The following GPHN variants were observed in gnomAD, a reference collection of about 807,000 sequenced individuals.
GPHN encodes the protein gephyrin.
Under a neutral mutation model 95.5 loss-of-function variants are expected in GPHN, and 17 were observed. That is an observed-to-expected ratio of 0.18 (90% CI 0.12 to 0.27). GPHN has a LOEUF of 0.27. GPHN is among the 10% of genes least tolerant of loss of function. GPHN has a pLI of 1.00. For synonymous variants in GPHN, 320 were observed against 322.5 expected (o/e 0.99, Z 0.08); for missense variants, 660 against 978.1 (o/e 0.67, Z 4.34).
At chr14:67,371,792 T>G in the GPHN span, among the ~76,000 whole-genome samples, 1 of 152,244 alleles carries the variant, frequency 6.6e-6, no homozygotes, top group East Asian at 1.9e-4. Context: ...GAGGCCATCA[T>G]AACCCTGATA....
chr14:67,045,408 G>GTGTCTCTCTCTCTTGTCTTTCTGTCTT (rs2074956324), intron 10 of GPHN, among the ~76,000 whole-genome samples: 2 of 149,910 alleles, frequency 1.3e-5, no homozygotes, highest in African/African-American at 4.9e-5. Context: ...CTCTCTCTCT[G>GTGTCTCTCTCTCTTGTCTTTCTGTCTT]TGTCTCTCTC....
At chr14:67,172,278 G>A (rs936184357) in intron 21 of GPHN, among the ~76,000 whole-genome samples, 1 of 152,078 alleles carries the variant, frequency 6.6e-6, no homozygotes, top group Non-Finnish European at 1.5e-5. Context: ...CTCAGCCAGA[G>A]CTAAAGCCAT....
At chr14:67,707,337 C>T in the GPHN span, among the ~76,000 whole-genome samples, 1 of 152,226 alleles carries the variant, frequency 6.6e-6, no homozygotes. Flanking sequence ...TCTTTTCTCT[C>T]TCCAGTTTCC....
intron 11 of GPHN, among the ~76,000 whole-genome samples, chr14:67,079,721 C>A (rs1297958768): frequency 6.6e-6 from 1 of 151,948 alleles, no homozygotes; most frequent in Non-Finnish European, 1.5e-5. Context: ...TGTTTCAATT[C>A]GCAAATTCAA....
the GPHN span, among the ~76,000 whole-genome samples, chr14:67,537,869 T>C: frequency 2.0e-5 from 3 of 152,256 alleles, no homozygotes; most frequent in East Asian, 5.8e-4. Flanking sequence ...CTGACTGCTG[T>C]GGCATTTCAG....
the GPHN span, chr14:67,690,499 A>G: frequency 8.7e-7 from 1 of 1,150,814 alleles, no homozygotes; most frequent in Non-Finnish European, 1.3e-6. Context: ...GGCCTCACCT[A>G]TGGGAGGCAG....
chr14:66,880,924 G>A (rs2063898612), intron 5 of GPHN, among the ~76,000 whole-genome samples: 1 of 151,880 alleles, frequency 6.6e-6, no homozygotes, highest in Non-Finnish European at 1.5e-5. Context: ...AGGATTTAAT[G>A]AACGTTAATT....
At chr14:67,579,953 G>A in the GPHN span, 1 of 1,369,480 alleles carries the variant, frequency 7.3e-7, no homozygotes, top group African/African-American at 1.4e-5. Flanking sequence ...CCCATCTGAT[G>A]GGTGTCTGAC....
the GPHN span, among the ~76,000 whole-genome samples, chr14:67,218,087 T>C: frequency 3.3e-4 from 51 of 152,314 alleles, no homozygotes; most frequent in African/African-American, 1.2e-3. Context: ...GTTTGTGGCA[T>C]CAGTGGTGCA....
At chr14:66,999,434 T>C (rs559587568) in intron 9 of GPHN, among the ~76,000 whole-genome samples, 2 of 152,082 alleles carry the variant, frequency 1.3e-5, no homozygotes, top group Non-Finnish European at 2.9e-5. Flanking sequence ...TTTATGGTTA[T>C]ATAATTTATT....
intron 18 of GPHN, among the ~76,000 whole-genome samples, chr14:67,147,522 T>TTGTTC (rs1160287399): frequency 6.6e-6 from 1 of 151,856 alleles, no homozygotes; most frequent in Non-Finnish European, 1.5e-5. Flanking sequence ...TTGTTTTGTT[T>TTGTTC]TGTTTTGAGG....
chr14:66,793,676 GAA>G (rs2060055043), intron 3 of GPHN, among the ~76,000 whole-genome samples: 2 of 152,014 alleles, frequency 1.3e-5, no homozygotes, highest in South Asian at 2.1e-4. Flanking sequence ...CAAAAAGAGA[GAA>G]GAGAGAATAG....
chr14:66,619,041 C>T (rs1478795578), intron 1 of GPHN, among the ~76,000 whole-genome samples: 3 of 152,112 alleles, frequency 2.0e-5, no homozygotes, highest in Non-Finnish European at 2.9e-5. Flanking sequence ...TTTTTTCTGG[C>T]TTCCTTCACT....
At chr14:67,665,644 T>C in the GPHN span, among the ~76,000 whole-genome samples, 1 of 152,218 alleles carries the variant, frequency 6.6e-6, no homozygotes, top group Non-Finnish European at 1.5e-5. Context: ...ACCAAGTTCC[T>C]CTGAAACATG....
At chr14:66,658,404 G>A (rs1190780623) in intron 1 of GPHN, among the ~76,000 whole-genome samples, 1 of 152,086 alleles carries the variant, frequency 6.6e-6, no homozygotes, top group East Asian at 1.9e-4. Flanking sequence ...TGTGAGGATT[G>A]ACTCTTCCAA....
intron 9 of GPHN, among the ~76,000 whole-genome samples, chr14:67,004,930 A>G (rs954218536): frequency 3.3e-5 from 5 of 151,698 alleles, no homozygotes; most frequent in Non-Finnish European, 7.4e-5. Context: ...GGAGAATGCA[A>G]ATTTTCATCC....
intron 5 of GPHN, among the ~76,000 whole-genome samples, chr14:66,913,458 C>T (rs2065768056): frequency 1.3e-5 from 2 of 152,178 alleles, no homozygotes. Flanking sequence ...TCTTCTGCCT[C>T]AGGCTCCTGA....
At chr14:67,645,617 T>C in the GPHN span, 68 of 1,604,386 alleles carry the variant, frequency 4.2e-5, no homozygotes, top group Non-Finnish European at 5.8e-5. Flanking sequence ...GCAGAGGGCC[T>C]TCAAGATTAT....
chr14:67,225,956 T>TGA, the GPHN span, among the ~76,000 whole-genome samples: 2 of 136,228 alleles, frequency 1.5e-5, no homozygotes, highest in African/African-American at 3.2e-5. Context: ...TGTGTGTGTG[T>TGA]GTGTGTGCGC....
Sources: allele counts gnomAD v4.1 joint callset (sites outside exome capture counted in the v4.1 genomes callset), GRCh38; gene constraint gnomAD v4.1.1; transcripts MANE v1.5; gene names NCBI Gene and HGNC (gene_info 2026-07-23, HGNC 2026-07-21).